The following NKX6-2 variants were observed in gnomAD, a reference collection of about 807,000 sequenced individuals.
NKX6-2 encodes the protein NK6 homeobox 2.
Under a neutral mutation model 19.9 loss-of-function variants are expected in NKX6-2, and 22 were observed. That is an observed-to-expected ratio of 1.10 (90% CI 0.79 to 1.58). NKX6-2 has a LOEUF of 1.58. Ranked by LOEUF, NKX6-2 falls within the 40% of genes most tolerant of loss-of-function variation. The probability of loss-of-function intolerance (pLI) is 0.00; values close to 1 mark genes in which losing one functional copy is unlikely to be tolerated. For synonymous variants in NKX6-2, 257 were observed against 204.0 expected (o/e 1.26, Z -2.21); for missense variants, 475 against 410.6 (o/e 1.16, Z -1.35).
chr10:132,783,800 C>G lies in NKX6-2; in HGVS notation c.*1116G>C, dbSNP rs535222994. 12 of 152,374 alleles carry G rather than the reference C, an allele frequency of 7.9e-5. No individual in the cohort carries two copies. Among genetic ancestry groups the G allele is most frequent in the African/African-American group, 2.9e-4 (12 of 41,592 alleles). 9.4% of individuals were successfully genotyped at this position (152,374 alleles called of 1,614,324 possible). A position where few individuals can be genotyped will look rare whatever the true frequency, so the allele number is the denominator to read the frequency against. On this transcript the variant is annotated 3_prime_UTR_variant, in exon 3 of 3. Coordinates refer to ENST00000368592, the MANE Select transcript of NKX6-2 (RefSeq NM_177400.3). ...GGCTCCCCACAGAAAAGCGTTGCTT[C>G]TGCCCTTCGAGTTGCTTCCTTGTAA...
chr10:132,785,680 C>T lies in NKX6-2; in HGVS notation c.269G>A (p.Gly90Asp). The change falls in exon 1 of 3, where the codon GGC becomes GAC. Residue 90 changes from glycine to aspartate, a missense_variant. Gly to Asp is a moderately conservative substitution (Grantham distance 94, BLOSUM62 -1). Coordinates refer to ENST00000368592, the MANE Select transcript of NKX6-2 (RefSeq NM_177400.3). The surrounding 1 kb of genome is among the most constrained non-coding windows in gnomAD (Gnocchi z 5.5). ...PRLNGLASSA[G>D]VYFGPAAAVA... ...AGCGGCCGCGGGCCCGAAGTAAACG[C>T]CGGCGGACGACGCGAGCCCGTTGAG... 9 of 1,252,590 alleles carry T rather than the reference C, an allele frequency of 7.2e-6. No homozygotes were observed. The highest frequency in any genetic ancestry group is 9.0e-6 in the Non-Finnish European group (9 of 1,000,182). 77.6% of individuals were successfully genotyped at this position (1,252,590 alleles called of 1,614,324 possible). A position where few individuals can be genotyped will look rare whatever the true frequency, so the allele number is the denominator to read the frequency against.
In NKX6-2 at chr10:132,785,834, C is replaced by G. The variant is rs1465456454; in HGVS notation, c.115G>C (p.Gly39Arg). The G allele has an allele frequency of 1.4e-6, 2 of 1,381,810 alleles. No individual in the cohort carries two copies. Among genetic ancestry groups the G allele is most frequent in the Admixed American group, 2.8e-5 (1 of 36,234 alleles). The allele number at this position is 1,381,810 out of a possible 1,614,324, so 85.6% of individuals were successfully genotyped here. A position where few individuals can be genotyped will look rare whatever the true frequency, so the allele number is the denominator to read the frequency against. The change falls in exon 1 of 3, where the codon GGC becomes CGC. Residue 39 changes from glycine to arginine, a missense_variant. Gly to Arg is a moderately radical substitution (Grantham distance 125). Coordinates refer to ENST00000368592, the MANE Select transcript of NKX6-2 (RefSeq NM_177400.3). The surrounding 1 kb of genome is among the most constrained non-coding windows in gnomAD (Gnocchi z 5.5). ...CCCCCCAGCGCGGGCGCCTTGAAGC[C>G]GGCCGGACCCTGCAGCGCGTAGGGG... ...LFPYALQGPAGFKAPALGGLG... is the reference protein window; with the variant it reads ...LFPYALQGPARFKAPALGGLG...
rs747348604 is a variant in NKX6-2, at chr10:132,785,041, C to T, written c.709G>A (p.Glu237Lys). The change falls in exon 3 of 3, where the codon GAA becomes AAA. Residue 237 changes from glutamate (E) to lysine (K), a missense_variant. Transcript: ENST00000368592. The surrounding 1 kb of genome is among the most constrained non-coding windows in gnomAD (Gnocchi z 5.5). ...VGGSDAEDDD[E>K]YNRPLDPNSD... Reference sequence around the variant, plus strand: ...TTGGGGTCCAGGGGCCGGTTGTATTCGTCGTCGTCCTCCGCGTCCGAGCCG... The same window carrying T: ...TTGGGGTCCAGGGGCCGGTTGTATTTGTCGTCGTCCTCCGCGTCCGAGCCG... 6 of 1,608,900 alleles carry T rather than the reference C, an allele frequency of 3.7e-6. No individual in the cohort carries two copies. The highest frequency in any genetic ancestry group is 5.1e-6 in the Non-Finnish European group (6 of 1,176,122).
chr10:132,784,196 A>C lies in NKX6-2; in HGVS notation c.*720T>G, dbSNP rs2134704704. On this transcript the variant is annotated 3_prime_UTR_variant, in exon 3 of 3. Coordinates refer to ENST00000368592, the MANE Select transcript of NKX6-2 (RefSeq NM_177400.3). ...GGAGGCCCCGCCGCTCCGCGGGCGG[A>C]ATTATTTCGGATTTCTCTTTGCGGT... The C allele has an allele frequency of 6.6e-6, 1 of 152,286 alleles. No individual in the cohort carries two copies. The highest frequency in any genetic ancestry group is 1.9e-4 in the East Asian group (1 of 5,156). The allele number at this position is 152,286 out of a possible 1,614,324, so 9.4% of individuals were successfully genotyped here. A position where few individuals can be genotyped will look rare whatever the true frequency, so the allele number is the denominator to read the frequency against.
Position 132,785,134 on chromosome 10 carries a change from G to A in NKX6-2, c.616C>T (p.Arg206Trp). The A allele has an allele frequency of 1.2e-6, 2 of 1,611,668 alleles. No homozygotes were observed. Among genetic ancestry groups the A allele is most frequent in the Non-Finnish European group, 8.5e-7 (1 of 1,179,490 alleles). Residue 206 changes from arginine (R) to tryptophan (W), a missense_variant, in exon 3 of 3, where the codon CGG becomes TGG. Coordinates refer to ENST00000368592, the MANE Select transcript of NKX6-2 (RefSeq NM_177400.3). The surrounding 1 kb of genome is among the most constrained non-coding windows in gnomAD (Gnocchi z 5.5). The part of the protein sequence containing the change: ...FQNRRTKWRK[R>W]HAVEMASAKK... ...GCCGACGCCATCTCCACCGCGTGCC[G>A]CTTGCGCCACTTGGTCCGGCGGTTC...
chr10:132,784,584 G>GC lies in NKX6-2; in HGVS notation c.*331_*332insG. On this transcript the variant is annotated 3_prime_UTR_variant, in exon 3 of 3. Coordinates refer to ENST00000368592, the MANE Select transcript of NKX6-2 (RefSeq NM_177400.3). ...TACCTGCTGCTCCGTCCCCGGCTCC[G>GC]TCCCGGGCTCCTGGCGGCTGTCGCT... 3.7e-6 allele frequency: 1 copy of GC among 268,088 alleles called. No homozygotes were observed. The highest frequency in any genetic ancestry group is 6.8e-6 in the Non-Finnish European group (1 of 146,338). The allele number at this position is 268,088 out of a possible 1,614,324, so 16.6% of individuals were successfully genotyped here.
chr10:132,785,210 G>C lies in NKX6-2; in HGVS notation c.580-40C>G. ...GGCGGTCAGGCGGCCGCGGGGCCCG[G>C]GGCTGGCGCTGGGGCCGTTCGCAGG... On this transcript the variant is annotated intron_variant, in intron 2 of 2. Transcript: ENST00000368592. The surrounding 1 kb of genome is among the most constrained non-coding windows in gnomAD (Gnocchi z 5.5). 6.3e-7 allele frequency: 1 copy of C among 1,589,460 alleles called. No individual in the cohort carries two copies. The highest frequency in any genetic ancestry group is 1.1e-5 in the South Asian group (1 of 88,560).
At position 132,785,829 on chromosome 10, in the gene NKX6-2, G is replaced by T. The variant is rs769996722; in HGVS notation, c.120C>A (p.Phe40Leu). ...FPYALQGPAG[F>L]KAPALGGLGA... is the part of the protein sequence containing the mutation. ...CCAGGCCCCCCAGCGCGGGCGCCTT[G>T]AAGCCGGCCGGACCCTGCAGCGCGT... The change falls in exon 1 of 3, where the codon TTC (phenylalanine) becomes TTA (leucine). Residue 40 changes from phenylalanine to leucine, a missense_variant. By Grantham distance (22) the Phe-to-Leu change is conservative (BLOSUM62 0). Transcript: ENST00000368592. The surrounding 1 kb of genome is among the most constrained non-coding windows in gnomAD (Gnocchi z 5.5). The T allele has an allele frequency of 7.2e-7, 1 of 1,381,908 alleles. No individual in the cohort carries two copies. The highest frequency in any genetic ancestry group is 1.6e-5 in the South Asian group (1 of 61,066). 85.6% of individuals were successfully genotyped at this position (1,381,908 alleles called of 1,614,324 possible).
In NKX6-2 at chr10:132,785,722, A is replaced by G. The variant is rs935539429; in HGVS notation, c.227T>C (p.Leu76Pro). ...RPVGAAGGGL[L>P]GGLPRLNGLA... ...CCCGTTGAGCCGGGGCAGCCCCCCCAGGAGGCCCCCGCCCGCCGCGCCCAC... is the reference window on the plus strand; with the variant it reads ...CCCGTTGAGCCGGGGCAGCCCCCCCGGGAGGCCCCCGCCCGCCGCGCCCAC... Residue 76 changes from leucine to proline, a missense_variant, in exon 1 of 3, where the codon CTG becomes CCG. By Grantham distance (98) the Leu-to-Pro change is moderately conservative. Transcript: ENST00000368592. The surrounding 1 kb of genome is among the most constrained non-coding windows in gnomAD (Gnocchi z 5.5). 66 of 1,235,744 alleles carry G rather than the reference A, an allele frequency of 5.3e-5. No individual in the cohort carries two copies. The African/African-American group carries it at 9.2e-4, about 17-fold the overall frequency. The allele number at this position is 1,235,744 out of a possible 1,614,324, so 76.5% of individuals were successfully genotyped here.
In NKX6-2 at chr10:132,785,845, T is replaced by C; in HGVS notation, c.104A>G (p.Gln35Arg). Residue 35 changes from glutamine (Q) to arginine (R), a missense_variant, in exon 1 of 3, where the codon CAG becomes CGG. Transcript: ENST00000368592. This position sits in a 1 kb window ranked among gnomAD's most constrained non-coding sequence, Gnocchi z 5.5. ...MKTSLFPYAL[Q>R]GPAGFKAPAL... The stretch of plus-strand genomic sequence containing the variant: ...GGGCGCCTTGAAGCCGGCCGGACCC[T>C]GCAGCGCGTAGGGGAACAGCGACGT... 3.6e-6 allele frequency: 5 copies of C among 1,388,620 alleles called. No homozygotes were observed. Among genetic ancestry groups the C allele is most frequent in the Non-Finnish European group, 4.7e-6 (5 of 1,062,340 alleles). The allele number at this position is 1,388,620 out of a possible 1,614,324, so 86.0% of individuals were successfully genotyped here.
In NKX6-2 at chr10:132,785,444, C is replaced by T. The variant is rs1847250993; in HGVS notation, c.415G>A (p.Gly139Ser). Residue 139 changes from glycine (G) to serine (S), a missense_variant, in exon 2 of 3, where the codon GGC (glycine) becomes AGC (serine). Physicochemically the swap from Gly to Ser is moderately conservative, Grantham distance 56 (BLOSUM62 0). Transcript: ENST00000368592. The surrounding 1 kb of genome is among the most constrained non-coding windows in gnomAD (Gnocchi z 5.5). ...DPRLAGPAPA[G>S]GVLDKDGKKK... is the part of the protein sequence containing the mutation. Reference sequence around the variant, plus strand: ...TTCCCGTCCTTGTCCAGGACGCCGCCGGCCGGGGCTGCAAGGGAGGGGAAG... The same window carrying T: ...TTCCCGTCCTTGTCCAGGACGCCGCTGGCCGGGGCTGCAAGGGAGGGGAAG... 6.3e-7 allele frequency: 1 copy of T among 1,580,744 alleles called. No individual in the cohort carries two copies. The highest frequency in any genetic ancestry group is 8.6e-7 in the Non-Finnish European group (1 of 1,165,616).
In NKX6-2 at chr10:132,785,414, T is replaced by G. The variant is rs754226604; in HGVS notation, c.445A>C (p.Lys149Gln). 1.3e-5 allele frequency: 20 copies of G among 1,597,038 alleles called. No homozygotes were observed. The highest frequency in any genetic ancestry group is 1.7e-4 in the Middle Eastern group (1 of 6,008). Residue 149 changes from lysine to glutamine, a missense_variant, in exon 2 of 3, where the codon AAG (lysine) becomes CAG (glutamine). Coordinates refer to ENST00000368592, the MANE Select transcript of NKX6-2 (RefSeq NM_177400.3). The surrounding 1 kb of genome is among the most constrained non-coding windows in gnomAD (Gnocchi z 5.5). ...CCCGAGAAGGTCGGGCGCGAGTGCT[T>G]CTTCTTCCCGTCCTTGTCCAGGACG... ...GGVLDKDGKKKHSRPTFSGQQ... is the reference protein window; with the variant it reads ...GGVLDKDGKKQHSRPTFSGQQ...
At position 132,785,643 on chromosome 10, in the gene NKX6-2, G is replaced by A. The variant is rs1241141428; in HGVS notation, c.306C>T (p.Gly102=). 4 of 1,248,044 alleles carry A rather than the reference G, an allele frequency of 3.2e-6. No individual in the cohort carries two copies. Among genetic ancestry groups the A allele is most frequent in the Non-Finnish European group, 4.0e-6 (4 of 998,782 alleles). The allele number at this position is 1,248,044 out of a possible 1,614,324, so 77.3% of individuals were successfully genotyped here. A position where few individuals can be genotyped will look rare whatever the true frequency, so the allele number is the denominator to read the frequency against. Residue 102 remains glycine, a synonymous_variant, in exon 1 of 3, where the codon GGC becomes GGT. Transcript: ENST00000368592. The surrounding 1 kb of genome is among the most constrained non-coding windows in gnomAD (Gnocchi z 5.5). ...YFGPAAAVAR[G]YPKPLAELPG... ...GCAGCTCGGCCAGGGGCTTGGGGTA[G>A]CCGCGCGCCACAGCGGCCGCGGGCC...
Position 132,785,537 on chromosome 10 carries a change from A to G in NKX6-2, c.406+6T>C. ...CCGCCCCGCACCCCCCGCGCGGGCC[A>G]CTCACCCGGGCCAGCCAGACGCGGG... On this transcript the variant is annotated splice_donor_region_variant and intron_variant, in intron 1 of 2. Transcript: ENST00000368592. The surrounding 1 kb of genome is among the most constrained non-coding windows in gnomAD (Gnocchi z 5.5). The G allele has an allele frequency of 7.6e-7, 1 of 1,323,710 alleles. No individual in the cohort carries two copies. The highest frequency in any genetic ancestry group is 9.6e-7 in the Non-Finnish European group (1 of 1,037,484). The allele number at this position is 1,323,710 out of a possible 1,614,324, so 82.0% of individuals were successfully genotyped here. A position where few individuals can be genotyped will look rare whatever the true frequency, so the allele number is the denominator to read the frequency against.
chr10:132,785,243 C>A lies in NKX6-2; in HGVS notation c.579+37G>T, dbSNP rs887456167. 1.0e-5 allele frequency: 16 copies of A among 1,584,786 alleles called. No individual in the cohort carries two copies. The African/African-American group carries it at 1.8e-4, about 17-fold the overall frequency. On this transcript the variant is annotated intron_variant, in intron 2 of 2. Coordinates refer to ENST00000368592, the MANE Select transcript of NKX6-2 (RefSeq NM_177400.3). The surrounding 1 kb of genome is among the most constrained non-coding windows in gnomAD (Gnocchi z 5.5). ...GCTGGGGCCGTTCGCAGGACGCGGG[C>A]CCCCGGCTCTGCTCTCCCGAGCCCC... is the stretch of plus-strand genomic sequence containing the variant.
Position 132,785,829 on chromosome 10 carries a change from G to A in NKX6-2, c.120C>T (p.Phe40=). The A allele has an allele frequency of 7.2e-7, 1 of 1,381,910 alleles. No homozygotes were observed. The highest frequency in any genetic ancestry group is 9.4e-7 in the Non-Finnish European group (1 of 1,063,612). The allele number at this position is 1,381,910 out of a possible 1,614,324, so 85.6% of individuals were successfully genotyped here. The change falls in exon 1 of 3, where the codon TTC becomes TTT. Residue 40 remains phenylalanine, a synonymous_variant. Coordinates refer to ENST00000368592, the MANE Select transcript of NKX6-2 (RefSeq NM_177400.3). The surrounding 1 kb of genome is among the most constrained non-coding windows in gnomAD (Gnocchi z 5.5). ...CCAGGCCCCCCAGCGCGGGCGCCTT[G>A]AAGCCGGCCGGACCCTGCAGCGCGT... The part of the protein sequence containing the change: ...FPYALQGPAG[F]KAPALGGLGA...
In NKX6-2 at chr10:132,785,921, C is replaced by T. The variant is rs1847260441; in HGVS notation, c.28G>A (p.Val10Met). The T allele has an allele frequency of 2.3e-6, 3 of 1,324,122 alleles. No individual in the cohort carries two copies. The highest frequency in any genetic ancestry group is 3.0e-6 in the Non-Finnish European group (3 of 1,006,428). The allele number at this position is 1,324,122 out of a possible 1,614,324, so 82.0% of individuals were successfully genotyped here. A position where few individuals can be genotyped will look rare whatever the true frequency, so the allele number is the denominator to read the frequency against. Residue 10 changes from valine to methionine, a missense_variant, in exon 1 of 3, where the codon GTG becomes ATG. Transcript: ENST00000368592. This position sits in a 1 kb window ranked among gnomAD's most constrained non-coding sequence, Gnocchi z 5.5. ...GCGGCCAGCGGGGCACTGCTCAGCA[C>T]GAACGCGCCCGGGCGGTTAGTGTCC... The part of the protein sequence containing the change: MDTNRPGAF[V>M]LSSAPLAALH...
rs758838156 is a variant in NKX6-2 at position 132,785,500 on chromosome 10, C to G, written c.406+43G>C. ...GAGGTCAGCGGCCGGCGGGGTCCCC[C>G]TCCGCGCCCACCCGCCCCGCACCCC... On this transcript the variant is annotated intron_variant, in intron 1 of 2. Transcript: ENST00000368592. This position sits in a 1 kb window ranked among gnomAD's most constrained non-coding sequence, Gnocchi z 5.5. 1.9e-5 allele frequency: 27 copies of G among 1,438,948 alleles called. No individual in the cohort carries two copies. Among genetic ancestry groups the G allele is most frequent in the Non-Finnish European group, 2.1e-5 (23 of 1,095,334 alleles). 89.1% of individuals were successfully genotyped at this position (1,438,948 alleles called of 1,614,324 possible).
At position 132,784,940 on chromosome 10, in the gene NKX6-2, G is replaced by C. The variant is rs754599912; in HGVS notation, c.810C>G (p.Gly270=). ...PSNLALVSPC[G]GGAGDAL ...CTCACAAGGCGTCCCCCGCGCCGCC[G>C]CCGCACGGGCTGACCAGCGCCAAGT... is the stretch of plus-strand genomic sequence containing the variant. The change falls in exon 3 of 3, where the codon GGC becomes GGG. Residue 270 remains glycine, a synonymous_variant. Transcript: ENST00000368592. The C allele has an allele frequency of 1.2e-6, 2 of 1,612,310 alleles. No homozygotes were observed. The highest frequency in any genetic ancestry group is 1.7e-6 in the Non-Finnish European group (2 of 1,179,698).
Sources: allele counts gnomAD v4.1 joint callset, GRCh38; gene constraint gnomAD v4.1.1; non-coding constraint Gnocchi (gnomAD v3.1); transcripts MANE v1.5; gene names NCBI Gene and HGNC (gene_info 2026-07-23, HGNC 2026-07-21).